The following PTPRN2 variants were observed in gnomAD, a reference collection of about 807,000 sequenced individuals.
PTPRN2 encodes the protein receptor-type tyrosine-protein phosphatase N2.
Under a neutral mutation model 118.8 loss-of-function variants are expected in PTPRN2, and 74 were observed. The ratio of observed to expected loss-of-function variants is 0.62; its 90% CI spans 0.52 to 0.76. The LOEUF (loss-of-function observed/expected upper bound fraction) is 0.76. PTPRN2 is among the 30% of genes least tolerant of loss of function. The pLI, the probability that PTPRN2 is intolerant of heterozygous loss-of-function variation, is 0.00. For synonymous variants in PTPRN2, 641 were observed against 608.0 expected, an observed-to-expected ratio of 1.05 and a Z score of -0.80; for missense variants, 1,481 against 1,394.4, an observed-to-expected ratio of 1.06 and a Z score of -0.99.
At chr7:158,026,252 CT>C (rs1464731459) in intron 11 of PTPRN2, among the ~76,000 whole-genome samples, 1 of 152,194 alleles carries the variant, frequency 6.6e-6, no homozygotes, top group Non-Finnish European at 1.5e-5. Context: ...TATATTTTCC[CT>C]AACAGTAATT....
At chr7:158,130,458 A>AC (rs1554549394) in intron 9 of PTPRN2, among the ~76,000 whole-genome samples, 4 of 145,374 alleles carry the variant, frequency 2.8e-5, no homozygotes, top group East Asian at 2.1e-4. Context: ...ACATCTACCC[A>AC]ACACACTCAT....
intron 17 of PTPRN2, among the ~76,000 whole-genome samples, chr7:157,588,692 A>G (rs1800814113): frequency 6.6e-6 from 1 of 152,182 alleles, no homozygotes. Context: ...TTTTGTAAAC[A>G]ACACCTACTC....
chr7:157,942,663 T>G (rs1046735992), intron 11 of PTPRN2, among the ~76,000 whole-genome samples: 9 of 152,240 alleles, frequency 5.9e-5, no homozygotes, highest in Middle Eastern at 3.4e-3. Context: ...CTAAAAATGA[T>G]GTGTATCCCC....
intron 1 of PTPRN2, among the ~76,000 whole-genome samples, chr7:158,518,966 C>CA (rs1823776014): frequency 6.6e-6 from 1 of 151,902 alleles, no homozygotes; most frequent in Admixed American, 6.6e-5. Flanking sequence ...GCCTGGGTGA[C>CA]AAAGCAAAAC....
intron 3 of PTPRN2, among the ~76,000 whole-genome samples, chr7:158,247,907 C>T (rs10240877): frequency 0.79 from 120,229 of 152,076 alleles, 47,776 homozygotes; most frequent in African/African-American, 0.85. Flanking sequence ...TGATCCACCG[C>T]GCCCAGCCTA....
chr7:158,053,266 A>G (rs1809473832), intron 11 of PTPRN2, among the ~76,000 whole-genome samples: 5 of 152,150 alleles, frequency 3.3e-5, no homozygotes, highest in Admixed American at 3.3e-4. Flanking sequence ...AATGACTGAC[A>G]CTGTAGGAAA....
intron 20 of PTPRN2, among the ~76,000 whole-genome samples, chr7:157,569,318 T>C (rs1209029620): frequency 3.3e-5 from 5 of 152,230 alleles, no homozygotes; most frequent in South Asian, 2.1e-4. Context: ...GGCATTTGTA[T>C]TGAAAATATC....
At chr7:157,999,559 C>A (rs956460532) in intron 11 of PTPRN2, among the ~76,000 whole-genome samples, 1 of 152,188 alleles carries the variant, frequency 6.6e-6, no homozygotes, top group African/African-American at 2.4e-5. Context: ...GGGACCTGCT[C>A]CCTGGCTGGA....
At chr7:158,535,516 A>G (rs1268554432) in intron 1 of PTPRN2, among the ~76,000 whole-genome samples, 1 of 151,982 alleles carries the variant, frequency 6.6e-6, no homozygotes, top group Non-Finnish European at 1.5e-5. Context: ...CTGCGGCTGG[A>G]CTATTTGTCA....
rs186523213 is a variant in PTPRN2 at position 158,440,466 on chromosome 7, T to G, written c.163+49269A>C. Among the ~76,000 whole-genome samples the G allele has an allele frequency of 8.0e-4, 121 of 151,228 alleles. 2 individuals are homozygous for G. The highest frequency in any genetic ancestry group is 2.9e-3 in the African/African-American group (118 of 41,014). Reference sequence around the variant, plus strand: ...ATGATGGTGGTAATGGTAGTAGCTATGGGTGTGGTGGTGATGATGGTGGTG... The same window carrying G: ...ATGATGGTGGTAATGGTAGTAGCTAGGGGTGTGGTGGTGATGATGGTGGTG... On this transcript the variant is annotated intron_variant, in intron 2 of 22. Transcript: ENST00000389418.
chr7:158,534,462 G>C (rs1825516207), intron 1 of PTPRN2, among the ~76,000 whole-genome samples: 1 of 152,200 alleles, frequency 6.6e-6, no homozygotes, highest in Non-Finnish European at 1.5e-5. Context: ...GACCACCCAT[G>C]CCACAGGCTT....
chr7:158,227,701 A>G (rs554862233), intron 3 of PTPRN2, among the ~76,000 whole-genome samples: 7 of 152,368 alleles, frequency 4.6e-5, no homozygotes, highest in African/African-American at 1.7e-4. Context: ...CAGCAAGGAA[A>G]GGGCTGGTGA....
chr7:158,450,627 G>T (rs184375881), intron 2 of PTPRN2, among the ~76,000 whole-genome samples: 1 of 152,144 alleles, frequency 6.6e-6, no homozygotes, highest in Admixed American at 6.5e-5. Flanking sequence ...AGGGCCTGTC[G>T]TCTTTCACAC....
intron 2 of PTPRN2, among the ~76,000 whole-genome samples, chr7:158,320,644 G>A (rs569753711): frequency 6.6e-6 from 1 of 152,366 alleles, no homozygotes; most frequent in Admixed American, 6.5e-5. Flanking sequence ...GCTGTCATAG[G>A]TGTGTATCGG....
rs574985560 is a variant in PTPRN2 at position 157,619,622 on chromosome 7, C to A, written c.2344+1740G>T. On this transcript the variant is annotated intron_variant, in intron 15 of 22. Transcript: ENST00000389418. The surrounding 1 kb of genome is among the most constrained non-coding windows in gnomAD (Gnocchi z 5.3). The stretch of plus-strand genomic sequence containing the variant: ...TTTTAGATCTCTTTAGGGTTAAAAC[C>A]CTCAGACCTCATAGAAACTGGTCTG... Among the ~76,000 whole-genome samples the A allele has an allele frequency of 6.6e-6, 1 of 152,314 alleles. No individual in the cohort carries two copies. Among genetic ancestry groups the A allele is most frequent in the African/African-American group, 2.4e-5 (1 of 41,576 alleles).
chr7:158,348,082 C>T (rs949935227), intron 2 of PTPRN2, among the ~76,000 whole-genome samples: 8 of 152,152 alleles, frequency 5.3e-5, no homozygotes, highest in African/African-American at 1.9e-4. Flanking sequence ...CCACGGCCCC[C>T]TCCTACATGC....
intron 10 of PTPRN2, among the ~76,000 whole-genome samples, chr7:158,089,560 C>T (rs1813827808): frequency 8.4e-6 from 1 of 119,648 alleles, no homozygotes. Context: ...TTCACACAAA[C>T]CTTCTTCCCC....
chr7:158,543,504 G>C (rs1409978742), intron 1 of PTPRN2, among the ~76,000 whole-genome samples: 1 of 152,246 alleles, frequency 6.6e-6, no homozygotes, highest in Non-Finnish European at 1.5e-5. Flanking sequence ...ACTCTGGCAT[G>C]TAATTCAAAA....
intron 2 of PTPRN2, among the ~76,000 whole-genome samples, chr7:158,329,676 C>T (rs923186634): frequency 2.0e-5 from 3 of 152,296 alleles, no homozygotes; most frequent in African/African-American, 7.2e-5. Flanking sequence ...TTTGAGCAGC[C>T]TTCATGGACT....
Sources: allele counts gnomAD v4.1 joint callset (sites outside exome capture counted in the v4.1 genomes callset), GRCh38; gene constraint gnomAD v4.1.1; non-coding constraint Gnocchi (gnomAD v3.1); transcripts MANE v1.5; gene names NCBI Gene and HGNC (gene_info 2026-07-23, HGNC 2026-07-21).